RASGRF2: variants seen among roughly 807,000 people sequenced by gnomAD.
RASGRF2 encodes the protein Ras protein specific guanine nucleotide releasing factor 2, also known as ras-specific guanine nucleotide-releasing factor 2.
RASGRF2 carries 76 observed loss-of-function variants against 151.0 expected under a neutral mutation model. The observed-to-expected ratio is 0.50, with a 90% CI of 0.42 to 0.61. RASGRF2 has a LOEUF of 0.61. Among genes scored for constraint, RASGRF2 ranks in the 20% least tolerant of loss-of-function variants. The pLI is 0.00. For missense variants in RASGRF2, 1,148 were observed against 1,564.6 expected (o/e 0.73, Z 4.49); for synonymous variants, 504 against 566.5 (o/e 0.89, Z 1.57).
At chr5:80,983,747 G>A (rs1004761136) in intron 1 of RASGRF2, among the ~76,000 whole-genome samples, 6 of 152,180 alleles carry the variant, frequency 3.9e-5, no homozygotes, top group Non-Finnish European at 8.8e-5. Flanking sequence ...ACACATGCTG[G>A]AATTCGAAGG....
Position 81,034,812 on chromosome 5 carries a change from G to T in RASGRF2, c.289-8065G>T, listed in dbSNP as rs555681397. Among the ~76,000 whole-genome samples the T allele has an allele frequency of 1.5e-5, 2 of 131,208 alleles. 1 individual carries two copies. The highest frequency in any genetic ancestry group is 5.9e-5 in the African/African-American group (2 of 33,944). 86.1% of individuals were successfully genotyped at this position (131,208 alleles called of 152,430 possible). On this transcript the variant is annotated intron_variant, in intron 1 of 26. Transcript: ENST00000265080. ...TGGGGACTGTTGTGGGGTGGGAGGG[G>T]GGTAGGGATAGCATTGGGAGATATA...
At chr5:81,195,574 CTT>C (rs11346643) in intron 18 of RASGRF2, among the ~76,000 whole-genome samples, 202 of 141,032 alleles carry the variant, frequency 1.4e-3, no homozygotes, top group Middle Eastern at 3.7e-3. Flanking sequence ...TTTTTGTGAC[CTT>C]TTTTTTTTTT....
chr5:81,058,775 CAAAAAAAAA>C (rs56875865), intron 2 of RASGRF2, among the ~76,000 whole-genome samples: 15 of 70,114 alleles, frequency 2.1e-4, no homozygotes, highest in East Asian at 4.5e-4. Flanking sequence ...GGCCCTGTAT[CAAAAAAAAA>C]AAAAAAAAAA....
In RASGRF2 at chr5:81,085,878, A is replaced by C. The variant is rs200003268; in HGVS notation, c.1238A>C (p.Glu413Ala). The change falls in exon 8 of 27, where the codon GAG (glutamate) becomes GCG (alanine). Residue 413 changes from glutamate to alanine, a missense_variant. Coordinates refer to ENST00000265080, the MANE Select transcript of RASGRF2 (RefSeq NM_006909.3). ...GAGCATGTGGAAAGGAAAAGCCTGG[A>C]GTTTGCCAAATCAAAGCTAGAGGAA... The part of the protein sequence containing the change: ...PHEHVERKSL[E>A]FAKSKLEELS... 3.7e-6 allele frequency: 6 copies of C among 1,614,144 alleles called. No individual in the cohort carries two copies. The East Asian group carries it at 1.3e-4, about 36-fold the overall frequency.
chr5:81,201,567 G>T (rs1263957058), intron 19 of RASGRF2, 125 bp downstream of exon 19: 1 of 1,069,154 alleles, frequency 9.4e-7, no homozygotes, highest in African/African-American at 1.6e-5. Flanking sequence ...GCAGTAAAGT[G>T]TTATGTATTA....
chr5:81,207,415 C>A, intron 21 of RASGRF2, 66 bp downstream of exon 21: 1 of 1,377,130 alleles, frequency 7.3e-7, no homozygotes, highest in Non-Finnish European at 1.0e-6. Context: ...TGACATTATT[C>A]CTAAGGCAGG....
At chr5:81,201,544 G>A in intron 19 of RASGRF2, 102 bp downstream of exon 19, 1 of 1,267,686 alleles carries the variant, frequency 7.9e-7, no homozygotes, top group South Asian at 1.5e-5. Flanking sequence ...GGACAGTGGG[G>A]ACTATGTTCT....
intron 18 of RASGRF2, among the ~76,000 whole-genome samples, chr5:81,192,976 G>A (rs560165724): frequency 1.3e-5 from 2 of 152,206 alleles, no homozygotes; most frequent in East Asian, 3.9e-4. Context: ...AACACATCCT[G>A]AGTCCTTCTT....
intron 1 of RASGRF2, among the ~76,000 whole-genome samples, chr5:81,005,272 A>G (rs1011447710): frequency 7.2e-5 from 11 of 152,178 alleles, no homozygotes; most frequent in Non-Finnish European, 1.2e-4. Flanking sequence ...GAAACCGACA[A>G]TCATGGCGGA....
chr5:81,071,091 A>G (rs753313441), intron 4 of RASGRF2, among the ~76,000 whole-genome samples: 1 of 152,144 alleles, frequency 6.6e-6, no homozygotes, highest in Non-Finnish European at 1.5e-5. Context: ...AACTTTTGCA[A>G]TGAACCAAAT....
At chr5:81,019,065 T>A (rs1749741168) in intron 1 of RASGRF2, among the ~76,000 whole-genome samples, 1 of 127,650 alleles carries the variant, frequency 7.8e-6, no homozygotes, top group African/African-American at 2.9e-5. Flanking sequence ...CCTCCCAAAG[T>A]GCTGGTATTA....
At chr5:81,015,244 T>C (rs1749591037) in intron 1 of RASGRF2, among the ~76,000 whole-genome samples, 1 of 152,194 alleles carries the variant, frequency 6.6e-6, no homozygotes, top group African/African-American at 2.4e-5. Flanking sequence ...CATGTGTCTT[T>C]ATAGTAGAAT....
At chr5:80,999,692 T>C (rs542478166) in intron 1 of RASGRF2, among the ~76,000 whole-genome samples, 1 of 152,118 alleles carries the variant, frequency 6.6e-6, no homozygotes, top group Non-Finnish European at 1.5e-5. Context: ...TGGGCGTGGG[T>C]GGAAGTGGGT....
At chr5:81,182,274 C>T (rs11949652) in intron 18 of RASGRF2, among the ~76,000 whole-genome samples, 9,220 of 152,218 alleles carry the variant, frequency 0.061, 411 homozygotes, top group African/African-American at 0.13. Context: ...CTGGCTATTT[C>T]GTTCACTGAT....
chr5:80,967,319 T>C (rs941093938), intron 1 of RASGRF2, among the ~76,000 whole-genome samples: 4 of 151,920 alleles, frequency 2.6e-5, no homozygotes, highest in African/African-American at 9.7e-5. Context: ...ACCTGGGAGG[T>C]GGAGGTTGCA....
At chr5:81,200,949 G>T (rs925855103) in intron 18 of RASGRF2, among the ~76,000 whole-genome samples, 4 of 152,156 alleles carry the variant, frequency 2.6e-5, no homozygotes, top group African/African-American at 9.7e-5. Flanking sequence ...GGCGTGGTGT[G>T]TGTTGGGGGC....
chr5:80,986,924 C>A (rs1022423903), intron 1 of RASGRF2, among the ~76,000 whole-genome samples: 2 of 152,114 alleles, frequency 1.3e-5, no homozygotes, highest in African/African-American at 4.8e-5. Flanking sequence ...ACCTTGAAGC[C>A]CTCGGAGGTC....
chr5:81,123,570 C>G, intron 15 of RASGRF2, 72 bp from the exon 16 acceptor site: 1 of 1,524,086 alleles, frequency 6.6e-7, no homozygotes, highest in East Asian at 2.3e-5. Flanking sequence ...ACTTTTGTTT[C>G]CATGCATGAT....
intron 1 of RASGRF2, among the ~76,000 whole-genome samples, chr5:80,976,648 C>T (rs1352110707): frequency 6.6e-6 from 1 of 152,106 alleles, no homozygotes; most frequent in Non-Finnish European, 1.5e-5. Flanking sequence ...TCCTCCTGAA[C>T]CTCTTGACTT....
Sources: gnomAD v4.1 joint callset for allele counts (sites outside exome capture counted in the v4.1 genomes callset) on GRCh38, gnomAD v4.1.1 for gene constraint, MANE v1.5 for transcripts, NCBI Gene and HGNC (gene_info 2026-07-23, HGNC 2026-07-21) for gene names.